The following STK3 variants were observed in gnomAD, a reference collection of about 807,000 sequenced individuals.
STK3 encodes serine/threonine-protein kinase 3.
Under a neutral mutation model 58.0 loss-of-function variants are expected in STK3, and 41 were observed. The observed-to-expected ratio is 0.71, with a 90% CI of 0.55 to 0.92. The LOEUF (loss-of-function observed/expected upper bound fraction) is 0.92. Ranked by LOEUF, STK3 falls within the 40% of genes least tolerant of loss-of-function variation. STK3 has a pLI of 0.00. For synonymous variants in STK3, 170 were observed against 191.0 expected, an observed-to-expected ratio of 0.89 and a Z score of 0.91; for missense variants, 479 against 602.7, an observed-to-expected ratio of 0.79 and a Z score of 2.15.
At chr8:98,583,889 GAAGA>G (rs1814177125) in intron 7 of STK3, among the ~76,000 whole-genome samples, 1 of 151,660 alleles carries the variant, frequency 6.6e-6, no homozygotes, top group Admixed American at 6.6e-5. Flanking sequence ...GAGACAGAGA[GAAGA>G]AAGAGAGAGA....
At chr8:98,609,064 C>T (rs1286618418) in intron 6 of STK3, among the ~76,000 whole-genome samples, 1 of 152,146 alleles carries the variant, frequency 6.6e-6, no homozygotes, top group Non-Finnish European at 1.5e-5. Flanking sequence ...GGGTAGCCAA[C>T]TGATCTTCCT....
intron 9 of STK3, among the ~76,000 whole-genome samples, chr8:98,532,579 C>T (rs1300862652): frequency 6.6e-6 from 1 of 152,176 alleles, no homozygotes; most frequent in African/African-American, 2.4e-5. Flanking sequence ...TGCCAATAGA[C>T]TTGCTTGACA....
chr8:98,379,598 C>G (rs1357734241), intron 1 of STK3, among the ~76,000 whole-genome samples: 5 of 152,162 alleles, frequency 3.3e-5, no homozygotes, highest in African/African-American at 1.2e-4. Context: ...ACTAGAGGAC[C>G]GGACACAGCA....
At chr8:98,909,284 T>C (rs1270492493) in intron 1 of STK3, among the ~76,000 whole-genome samples, 1 of 152,238 alleles carries the variant, frequency 6.6e-6, no homozygotes, top group East Asian at 1.9e-4. Flanking sequence ...AGTTATAAAC[T>C]ATCAGGATAG....
intron 1 of STK3, among the ~76,000 whole-genome samples, chr8:98,791,484 T>G (rs1248946397): frequency 6.6e-6 from 1 of 152,158 alleles, no homozygotes; most frequent in Non-Finnish European, 1.5e-5. Flanking sequence ...AAAACTCATA[T>G]GGAACCAAAA....
At chr8:98,559,426 G>C (rs1811842178) in intron 8 of STK3, among the ~76,000 whole-genome samples, 1 of 152,130 alleles carries the variant, frequency 6.6e-6, no homozygotes, top group Non-Finnish European at 1.5e-5. Flanking sequence ...AGGAGCACTT[G>C]CCAAACTGAA....
chr8:98,700,567 T>C lies in STK3; in HGVS notation c.684+5900A>G, dbSNP rs1174104878. Among the ~76,000 whole-genome samples the C allele has an allele frequency of 2.6e-5, 4 of 152,258 alleles. No individual in the cohort carries two copies. In the East Asian group the frequency reaches 7.7e-4, roughly 29 times the overall value. Reference sequence around the variant, plus strand: ...TACTCTTAAACAGAGATTGTCATGCTTTATGTGAGTTAAATTTCCAGAAAG... The same window carrying C: ...TACTCTTAAACAGAGATTGTCATGCCTTATGTGAGTTAAATTTCCAGAAAG... On this transcript the variant is annotated intron_variant, in intron 6 of 10. Transcript: ENST00000419617.
chr8:98,486,125 CT>C (rs1822234942), intron 10 of STK3, among the ~76,000 whole-genome samples: 1 of 152,172 alleles, frequency 6.6e-6, no homozygotes, highest in Non-Finnish European at 1.5e-5. Context: ...AACTATTTGC[CT>C]TTTGGCGTTG....
In STK3 at chr8:98,908,063, C is replaced by A. The variant is rs1219858152; in HGVS notation, c.-78-24229G>T. On this transcript the variant is annotated intron_variant, in intron 1 of 1. Coordinates refer to the STK3 transcript ENST00000519420. ...ATCACATTCACATTCTATTTATTGG[C>A]AAGAATATTTCTTAGCACTTTCATC... 2.6e-5 allele frequency among the ~76,000 whole-genome samples: 4 copies of A among 152,160 alleles called. No individual in the cohort carries two copies. In the East Asian group the frequency reaches 7.7e-4, roughly 29 times the overall value.
At chr8:98,352,918 A>G in the STK3 span, among the ~76,000 whole-genome samples, 2 of 152,196 alleles carry the variant, frequency 1.3e-5, no homozygotes, top group South Asian at 2.1e-4. Flanking sequence ...CCCTGAACAC[A>G]TATTTTTTCA....
At chr8:98,775,606 A>G (rs1289241939) in intron 1 of STK3, among the ~76,000 whole-genome samples, 2 of 152,220 alleles carry the variant, frequency 1.3e-5, no homozygotes, top group African/African-American at 4.8e-5. Flanking sequence ...ATTTATGCTT[A>G]TCTCTAGCCA....
intron 1 of STK3, among the ~76,000 whole-genome samples, chr8:98,385,123 C>T (rs1451601709): frequency 2.0e-5 from 3 of 152,032 alleles, no homozygotes; most frequent in African/African-American, 7.2e-5. Flanking sequence ...GAAATATTTC[C>T]CAAGCTGGGC....
At chr8:98,416,093 G>A (rs888652017) in intron 3 of STK3, among the ~76,000 whole-genome samples, 5 of 152,124 alleles carry the variant, frequency 3.3e-5, no homozygotes, top group Non-Finnish European at 1.5e-5. Flanking sequence ...ACACAAGCTG[G>A]GCCATTCAAT....
intron 10 of STK3, among the ~76,000 whole-genome samples, chr8:98,518,992 T>A (rs918229111): frequency 6.6e-6 from 1 of 152,148 alleles, no homozygotes; most frequent in Non-Finnish European, 1.5e-5. Context: ...AAGAAATAAA[T>A]CTGAAATATC....
chr8:98,380,502 A>T (rs926531685), intron 1 of STK3, among the ~76,000 whole-genome samples: 2 of 152,178 alleles, frequency 1.3e-5, no homozygotes, highest in Non-Finnish European at 2.9e-5. Flanking sequence ...ATTTTTTCTC[A>T]CATCTATTAT....
intron 2 of STK3, among the ~76,000 whole-genome samples, chr8:98,769,368 G>A (rs980389059): frequency 1.3e-5 from 2 of 152,172 alleles, no homozygotes; most frequent in African/African-American, 4.8e-5. Context: ...TCATGATAGT[G>A]AATGGGTCTC....
chr8:98,405,937 A>T (rs1817988648), intron 3 of STK3, among the ~76,000 whole-genome samples: 2 of 152,294 alleles, frequency 1.3e-5, no homozygotes, highest in Admixed American at 1.3e-4. Context: ...GGTCCCTCCC[A>T]CAACACATGG....
At chr8:98,393,009 A>C (rs1173244222), upstream of STK3, among the ~76,000 whole-genome samples, 1 of 152,116 alleles carries the variant, frequency 6.6e-6, no homozygotes, top group African/African-American at 2.4e-5. Context: ...TCAGGAGACA[A>C]AGATTGCAGC....
intron 3 of STK3, among the ~76,000 whole-genome samples, chr8:98,417,397 C>G (rs1272355047): frequency 6.6e-6 from 1 of 152,032 alleles, no homozygotes; most frequent in Non-Finnish European, 1.5e-5. Flanking sequence ...ACCTGTAATC[C>G]CAGGTACTCA....
Sources: allele counts gnomAD v4.1 joint callset (sites outside exome capture counted in the v4.1 genomes callset), GRCh38; gene constraint gnomAD v4.1.1; transcripts MANE v1.5; gene names NCBI Gene and HGNC (gene_info 2026-07-23, HGNC 2026-07-21).